The following MAD1L1 variants were observed in gnomAD, a reference collection of about 807,000 sequenced individuals.
MAD1L1 encodes mitotic arrest deficient 1 like 1, also known as mitotic spindle assembly checkpoint protein MAD1.
Under a neutral mutation model 96.9 loss-of-function variants are expected in MAD1L1, and 95 were observed. The ratio of observed to expected loss-of-function variants is 0.98; its 90% CI spans 0.83 to 1.16. The LOEUF is 1.16. MAD1L1 is among the 50% of genes most tolerant of loss of function. The pLI is 0.00. For synonymous variants in MAD1L1, 473 were observed against 396.6 expected (o/e 1.19, Z -2.29); for missense variants, 1,007 against 954.4 (o/e 1.06, Z -0.73).
intron 15 of MAD1L1, among the ~76,000 whole-genome samples, chr7:1,980,111 A>G (rs930301427): frequency 6.6e-6 from 1 of 152,118 alleles, no homozygotes; most frequent in Admixed American, 6.5e-5. Context: ...CGGCCTGGAG[A>G]GGGGGACAGG....
chr7:2,087,971 C>CTCAG (rs1786009230), intron 11 of MAD1L1, among the ~76,000 whole-genome samples: 1 of 152,218 alleles, frequency 6.6e-6, no homozygotes, highest in Non-Finnish European at 1.5e-5. Flanking sequence ...TCCAGTGAAA[C>CTCAG]TCAGCAAAGC....
chr7:2,060,613 G>A (rs140888048), intron 12 of MAD1L1, among the ~76,000 whole-genome samples: 1,706 of 152,284 alleles, frequency 0.011, 12 homozygotes, highest in Admixed American at 0.025. Context: ...GCATGGAATC[G>A]TAAACAAATA....
At chr7:2,055,108 C>T (rs1562643337) in intron 12 of MAD1L1, among the ~76,000 whole-genome samples, 1 of 152,222 alleles carries the variant, frequency 6.6e-6, no homozygotes, top group Non-Finnish European at 1.5e-5. Context: ...GGGGCCAAGC[C>T]TCCCTCCAGG....
chr7:2,111,764 G>A (rs1284725005), intron 11 of MAD1L1, among the ~76,000 whole-genome samples: 1 of 152,198 alleles, frequency 6.6e-6, no homozygotes, highest in African/African-American at 2.4e-5. Flanking sequence ...GGCCCAGCAG[G>A]AGCAGGCCTG....
intron 12 of MAD1L1, among the ~76,000 whole-genome samples, chr7:2,042,233 G>C (rs547626702): frequency 1.3e-5 from 2 of 150,254 alleles, no homozygotes; most frequent in Non-Finnish European, 3.0e-5. Flanking sequence ...ACACACAAGC[G>C]CATGCGCACA....
intron 18 of MAD1L1, among the ~76,000 whole-genome samples, chr7:1,870,755 C>T (rs1191738157): frequency 7.1e-6 from 1 of 140,714 alleles, no homozygotes; most frequent in African/African-American, 2.7e-5. Flanking sequence ...CCAACATATG[C>T]CTGCCACGCT....
chr7:2,175,759 C>T (rs1385812040), intron 10 of MAD1L1, among the ~76,000 whole-genome samples: 1 of 152,176 alleles, frequency 6.6e-6, no homozygotes, highest in Non-Finnish European at 1.5e-5. Context: ...CATCCTCCTC[C>T]TGAAGCCCTG....
chr7:2,196,061 T>C (rs1241514439), intron 10 of MAD1L1, among the ~76,000 whole-genome samples: 2 of 152,364 alleles, frequency 1.3e-5, no homozygotes, highest in East Asian at 3.9e-4. Context: ...ATGGAGGTTA[T>C]TGAGGGCACA....
At chr7:1,962,628 T>A (rs1466483844) in intron 15 of MAD1L1, among the ~76,000 whole-genome samples, 2 of 152,024 alleles carry the variant, frequency 1.3e-5, no homozygotes, top group Non-Finnish European at 2.9e-5. Flanking sequence ...AATCAAATTT[T>A]AAAATGGACA....
intron 17 of MAD1L1, among the ~76,000 whole-genome samples, chr7:1,933,279 G>A (rs1165985466): frequency 6.6e-6 from 1 of 152,180 alleles, no homozygotes; most frequent in East Asian, 1.9e-4. Context: ...TTTCCCCAGG[G>A]AGCGATCCAT....
Position 1,898,137 on chromosome 7 carries a change from G to T in MAD1L1, c.1998+63C>A, listed in dbSNP as rs754500966. On this transcript the variant is annotated intron_variant, in intron 18 of 18. Transcript: ENST00000265854. ...GCTCCTTTGCTGAGGGCTACGGTCGGATCTCCCCACAGGAGGAGACAGAGA... is the reference window on the plus strand; with the variant it reads ...GCTCCTTTGCTGAGGGCTACGGTCGTATCTCCCCACAGGAGGAGACAGAGA... 13 of 1,494,012 alleles carry T rather than the reference G, an allele frequency of 8.7e-6. No individual in the cohort carries two copies. In the African/African-American group the frequency reaches 1.7e-4, roughly 19 times the overall value. The allele number at this position is 1,494,012 out of a possible 1,614,324, so 92.5% of individuals were successfully genotyped here. A position where few individuals can be genotyped will look rare whatever the true frequency, so the allele number is the denominator to read the frequency against.
rs1314415279 is a variant in MAD1L1, at chr7:2,081,212, G to C, written c.1074-11874C>G. ...AAGCTGGGCCGGGGTGGGGAGGTGG[G>C]GAGGCTCTGAGCCGGTGGTGGAAAG... On this transcript the variant is annotated intron_variant, in intron 11 of 18. Transcript: ENST00000265854. Among the ~76,000 whole-genome samples, 8 of 152,140 alleles carry C rather than the reference G, an allele frequency of 5.3e-5. No individual in the cohort carries two copies. In the South Asian group the frequency reaches 1.2e-3, roughly 24 times the overall value.
chr7:1,986,074 G>A (rs759797882), intron 14 of MAD1L1, among the ~76,000 whole-genome samples: 7 of 152,156 alleles, frequency 4.6e-5, no homozygotes, highest in Non-Finnish European at 8.8e-5. Flanking sequence ...CTGAAGATGA[G>A]TTTTATTGAA....
intron 17 of MAD1L1, among the ~76,000 whole-genome samples, chr7:1,910,746 C>T (rs973412473): frequency 2.0e-5 from 3 of 152,230 alleles, no homozygotes; most frequent in Admixed American, 6.5e-5. Flanking sequence ...GGTGCCTGTC[C>T]GGGGCAGGAA....
chr7:1,986,991 AGGCCCAT>A (rs1781180069), intron 14 of MAD1L1, among the ~76,000 whole-genome samples: 1 of 148,338 alleles, frequency 6.7e-6, no homozygotes, highest in African/African-American at 2.5e-5. Flanking sequence ...ATCCCCCTCC[AGGCCCAT>A]GGCACAGGAC....
intron 12 of MAD1L1, among the ~76,000 whole-genome samples, chr7:2,045,259 G>A (rs1021161550): frequency 2.6e-5 from 4 of 152,070 alleles, no homozygotes; most frequent in African/African-American, 7.2e-5. Flanking sequence ...GAGAGCCCCC[G>A]TATCCCTGTG....
At chr7:1,995,717 A>T (rs1297047645) in intron 14 of MAD1L1, among the ~76,000 whole-genome samples, 1 of 152,126 alleles carries the variant, frequency 6.6e-6, no homozygotes. Flanking sequence ...GCGCGGGGAC[A>T]TACATGCTGG....
intron 16 of MAD1L1, among the ~76,000 whole-genome samples, chr7:1,943,276 A>G (rs1376912886): frequency 6.6e-6 from 1 of 152,254 alleles, no homozygotes; most frequent in Non-Finnish European, 1.5e-5. Flanking sequence ...CTTCATCCAA[A>G]CTAAGAACTC....
In MAD1L1 at chr7:1,968,698, T is replaced by C. The variant is rs932193168; in HGVS notation, c.1506-10979A>G. Among the ~76,000 whole-genome samples, 1 of 152,250 alleles carries C rather than the reference T, an allele frequency of 6.6e-6. No individual in the cohort carries two copies. The highest frequency in any genetic ancestry group is 2.4e-5 in the African/African-American group (1 of 41,470). ...CTGATGGGACGTGGTGAGAAAGGACTTGTCGTCTGTGATCTTCCTTCCAAA... is the reference window on the plus strand; with the variant it reads ...CTGATGGGACGTGGTGAGAAAGGACCTGTCGTCTGTGATCTTCCTTCCAAA... On this transcript the variant is annotated intron_variant, in intron 15 of 18. Transcript: ENST00000265854. The surrounding 1 kb of genome is among the most constrained non-coding windows in gnomAD (Gnocchi z 5.6).
Sources: gnomAD v4.1 joint callset for allele counts (sites outside exome capture counted in the v4.1 genomes callset) on GRCh38, gnomAD v4.1.1 for gene constraint, Gnocchi (gnomAD v3.1) non-coding constraint, MANE v1.5 for transcripts, NCBI Gene and HGNC (gene_info 2026-07-23, HGNC 2026-07-21) for gene names.